Variants in GRM1 observed in about 807,000 individuals in gnomAD.
GRM1 encodes the protein glutamate metabotropic receptor 1, also known as metabotropic glutamate receptor 1.
In GRM1, 33 loss-of-function variants were observed where a neutral mutation model predicts 90.9. The ratio of observed to expected loss-of-function variants is 0.36; its 90% CI spans 0.28 to 0.49. GRM1 has a LOEUF of 0.49. Ranked by LOEUF, GRM1 falls within the 20% of genes least tolerant of loss-of-function variation. The pLI is 0.99. For synonymous variants in GRM1, 700 were observed against 613.2 expected, an observed-to-expected ratio of 1.14 and a Z score of -2.09; for missense variants, 1,190 against 1,534.3, an observed-to-expected ratio of 0.78 and a Z score of 3.75.
chr6:146,105,471 T>C (rs964003624), intron 1 of GRM1, among the ~76,000 whole-genome samples: 7 of 152,136 alleles, frequency 4.6e-5, no homozygotes, highest in Non-Finnish European at 8.8e-5. Flanking sequence ...CAAATAACAA[T>C]TTTTTATAAA....
At chr6:146,341,291 C>T (rs1784971929) in intron 3 of GRM1, among the ~76,000 whole-genome samples, 1 of 152,150 alleles carries the variant, frequency 6.6e-6, no homozygotes, top group African/African-American at 2.4e-5. Flanking sequence ...GTCTCCCTCC[C>T]TCTCTCTAGA....
intron 1 of GRM1, among the ~76,000 whole-genome samples, chr6:146,152,116 C>T (rs918793757): frequency 6.6e-6 from 1 of 152,136 alleles, no homozygotes; most frequent in Non-Finnish European, 1.5e-5. Flanking sequence ...AATGCAGCAA[C>T]ATATAGCACA....
At chr6:146,222,534 G>A (rs1460788885) in intron 2 of GRM1, among the ~76,000 whole-genome samples, 3 of 152,018 alleles carry the variant, frequency 2.0e-5, no homozygotes, top group Non-Finnish European at 2.9e-5. Context: ...CCCAACTAAA[G>A]ACAGGCAGAA....
chr6:146,323,883 T>G (rs1048929401), intron 3 of GRM1, among the ~76,000 whole-genome samples: 3 of 152,224 alleles, frequency 2.0e-5, no homozygotes, highest in African/African-American at 7.2e-5. Flanking sequence ...CTCAGGTTTG[T>G]CAAAGATCAG....
intron 1 of GRM1, among the ~76,000 whole-genome samples, chr6:146,151,290 C>T (rs1235791384): frequency 6.6e-6 from 1 of 152,164 alleles, no homozygotes; most frequent in Non-Finnish European, 1.5e-5. Flanking sequence ...TACATATTTT[C>T]TCTATATGAA....
intron 2 of GRM1, among the ~76,000 whole-genome samples, chr6:146,167,154 G>C (rs926848016): frequency 6.6e-6 from 1 of 152,070 alleles, no homozygotes; most frequent in Admixed American, 6.6e-5. Context: ...GTAGTCTCTT[G>C]TGTCTGATTT....
At chr6:146,343,053 G>C (rs2115020239) in intron 3 of GRM1, among the ~76,000 whole-genome samples, 1 of 151,252 alleles carries the variant, frequency 6.6e-6, no homozygotes, top group Middle Eastern at 3.4e-3. Flanking sequence ...AGGCTTCCCT[G>C]GGCTGTGACA....
In GRM1 at chr6:146,029,948, G is replaced by T; in HGVS notation, c.431G>T (p.Gly144Val). 6.2e-7 allele frequency: 1 copy of T among 1,614,052 alleles called. No homozygotes were observed. Among genetic ancestry groups the T allele is most frequent in the African/African-American group, 1.3e-5 (1 of 75,008 alleles). The change falls in exon 1 of 8, where the codon GGC becomes GTC. Residue 144 changes from glycine (G) to valine (V), a missense_variant. Physicochemically the swap from Gly to Val is moderately radical, Grantham distance 109 (BLOSUM62 -3). Coordinates refer to ENST00000282753, the MANE Select transcript of GRM1 (RefSeq NM_001278064.2). The part of the protein sequence containing the change: ...KDGINRCLPD[G>V]QSLPPGRTKK... Reference sequence around the variant, plus strand: ...GGGATCAACCGGTGTCTGCCTGACGGCCAGTCCCTCCCCCCAGGCAGGACT... The same window carrying T: ...GGGATCAACCGGTGTCTGCCTGACGTCCAGTCCCTCCCCCCAGGCAGGACT...
intron 2 of GRM1, among the ~76,000 whole-genome samples, chr6:146,213,468 A>C (rs1379889352): frequency 6.6e-6 from 1 of 152,204 alleles, no homozygotes; most frequent in African/African-American, 2.4e-5. Context: ...AGATTGAAGA[A>C]AGGGATCCTG....
chr6:146,273,167 TG>T (rs1782232802), intron 2 of GRM1, among the ~76,000 whole-genome samples: 2 of 152,236 alleles, frequency 1.3e-5, no homozygotes, highest in African/African-American at 4.8e-5. Context: ...CTCTCCTTTT[TG>T]GTCCTCTGGT....
intron 2 of GRM1, among the ~76,000 whole-genome samples, chr6:146,259,819 G>A (rs1781618341): frequency 1.3e-5 from 2 of 151,904 alleles, no homozygotes; most frequent in South Asian, 2.1e-4. Flanking sequence ...TATAACCAAA[G>A]GTGGAATTGC....
intron 1 of GRM1, among the ~76,000 whole-genome samples, chr6:146,042,298 G>A (rs1562423183): frequency 6.6e-6 from 1 of 152,044 alleles, no homozygotes; most frequent in Non-Finnish European, 1.5e-5. Context: ...AGGAAGTGGA[G>A]GCTGCTAATA....
At chr6:146,050,175 T>C (rs1791474910) in intron 1 of GRM1, among the ~76,000 whole-genome samples, 1 of 152,108 alleles carries the variant, frequency 6.6e-6, no homozygotes, top group Non-Finnish European at 1.5e-5. Context: ...GGAGCTATAT[T>C]GCATTCGACA....
At chr6:146,378,430 C>G (rs1776193176) in intron 5 of GRM1, among the ~76,000 whole-genome samples, 1 of 152,188 alleles carries the variant, frequency 6.6e-6, no homozygotes, top group African/African-American at 2.4e-5. Flanking sequence ...CCATGGGAAC[C>G]CACCTCTTGC....
intron 2 of GRM1, among the ~76,000 whole-genome samples, chr6:146,283,898 A>G (rs566702122): frequency 2.6e-4 from 39 of 152,236 alleles, no homozygotes; most frequent in Non-Finnish European, 5.1e-4. Flanking sequence ...CGTATGATAG[A>G]TAATACAGAA....
intron 1 of GRM1, among the ~76,000 whole-genome samples, chr6:146,054,513 A>G (rs188572011): frequency 1.3e-5 from 2 of 152,114 alleles, no homozygotes; most frequent in Non-Finnish European, 1.5e-5. Context: ...TTTATCCAAA[A>G]TTATCTGTCA....
intron 2 of GRM1, among the ~76,000 whole-genome samples, chr6:146,296,470 G>A (rs937143776): frequency 3.9e-5 from 6 of 152,016 alleles, no homozygotes; most frequent in Non-Finnish European, 8.8e-5. Context: ...TACACAATAC[G>A]TTATTATTAA....
intron 3 of GRM1, among the ~76,000 whole-genome samples, chr6:146,328,650 T>A (rs956465855): frequency 6.6e-6 from 1 of 152,340 alleles, no homozygotes; most frequent in Non-Finnish European, 1.5e-5. Context: ...TGACATATGA[T>A]CTCTATCTTC....
At chr6:146,086,916 C>G (rs1168139953) in intron 1 of GRM1, among the ~76,000 whole-genome samples, 2 of 152,060 alleles carry the variant, frequency 1.3e-5, no homozygotes, top group South Asian at 2.1e-4. Flanking sequence ...CATAAAGATA[C>G]TCCAGTAATC....
Sources: allele counts gnomAD v4.1 joint callset (sites outside exome capture counted in the v4.1 genomes callset), GRCh38; gene constraint gnomAD v4.1.1; transcripts MANE v1.5; gene names NCBI Gene and HGNC (gene_info 2026-07-23, HGNC 2026-07-21).